Variants in TSHZ3 observed in about 807,000 individuals in gnomAD.
The protein encoded by TSHZ3 is teashirt homolog 3.
A neutral mutation model predicts 64.5 loss-of-function variants in TSHZ3; 10 were observed. That is an observed-to-expected ratio of 0.16 (90% CI 0.10 to 0.26). The LOEUF (loss-of-function observed/expected upper bound fraction) is 0.26, where lower values mean the gene tolerates loss of function less well. Among genes scored for constraint, TSHZ3 ranks in the 10% least tolerant of loss-of-function variants. The pLI, the probability that TSHZ3 is intolerant of heterozygous loss-of-function variation, is 1.00. For synonymous variants in TSHZ3, 608 were observed against 593.1 expected, an observed-to-expected ratio of 1.03 and a Z score of -0.36; for missense variants, 1,242 against 1,421.7, an observed-to-expected ratio of 0.87 and a Z score of 2.03.
intron 1 of TSHZ3, among the ~76,000 whole-genome samples, chr19:31,284,007 G>A (rs745658288): frequency 1.3e-5 from 2 of 152,108 alleles, no homozygotes; most frequent in African/African-American, 4.8e-5. Flanking sequence ...CCACCGATTC[G>A]ACCCAACAAT....
At chr19:31,190,746 A>T (rs1889191219) in intron 5 of TSHZ3, among the ~76,000 whole-genome samples, 1 of 152,362 alleles carries the variant, frequency 6.6e-6, no homozygotes, top group East Asian at 1.9e-4. Flanking sequence ...TGACACAGTT[A>T]TTGAACTTAG....
In TSHZ3 at chr19:31,343,936, CATGT is replaced by C. The variant is rs561634897; in HGVS notation, c.40+5240_40+5243del. ...AAAAAGGCTTACAGACATTTAAATGCATGTATCGGGACACTTTATCAACCTAACA... is the reference window on the plus strand; with the variant it reads ...AAAAAGGCTTACAGACATTTAAATGCATCGGGACACTTTATCAACCTAACA... On this transcript the variant is annotated intron_variant, in intron 1 of 1. Coordinates refer to ENST00000240587, the MANE Select transcript of TSHZ3 (RefSeq NM_020856.4). Among the ~76,000 whole-genome samples the C allele has an allele frequency of 1.6e-3, 237 of 152,168 alleles. 7 individuals are homozygous for C. The South Asian group carries it at 0.048, about 31-fold the overall frequency.
At chr19:31,284,173 A>T (rs1443784520) in intron 1 of TSHZ3, among the ~76,000 whole-genome samples, 1 of 152,118 alleles carries the variant, frequency 6.6e-6, no homozygotes, top group African/African-American at 2.4e-5. Context: ...GTAGCTGAGC[A>T]ATGGACAGCT....
intron 1 of TSHZ3, among the ~76,000 whole-genome samples, chr19:31,310,738 G>A (rs1015369005): frequency 4.5e-4 from 69 of 152,254 alleles, no homozygotes; most frequent in African/African-American, 1.4e-3. Context: ...ACCTCTCTAC[G>A]TTTCTGGTTC....
chr19:31,175,321 T>C (rs1366876319), intron 5 of TSHZ3, among the ~76,000 whole-genome samples: 1 of 152,218 alleles, frequency 6.6e-6, no homozygotes, highest in East Asian at 1.9e-4. Context: ...GGAGAAGCTG[T>C]CTTCAAGTGT....
Position 31,173,044 on chromosome 19 carries a change from T to C in TSHZ3, n.810-16627A>G, listed in dbSNP as rs551342818. On this transcript the variant is annotated intron_variant and non_coding_transcript_variant, in intron 5 of 6. Transcript: ENST00000651361. ...AGCTCATGCTTAGATGAAATGGCAGTCCTTTGTAGGGCTCTTGAGCTGAGA... is the reference window on the plus strand; with the variant it reads ...AGCTCATGCTTAGATGAAATGGCAGCCCTTTGTAGGGCTCTTGAGCTGAGA... Among the ~76,000 whole-genome samples, 15 of 152,304 alleles carry C rather than the reference T, an allele frequency of 9.8e-5. No individual in the cohort carries two copies. In the East Asian group the frequency reaches 2.9e-3, roughly 29 times the overall value.
intron 1 of TSHZ3, among the ~76,000 whole-genome samples, chr19:31,331,986 C>T (rs770648200): frequency 6.6e-6 from 1 of 152,134 alleles, no homozygotes; most frequent in Non-Finnish European, 1.5e-5. Context: ...CCCATAAAAC[C>T]AAGGGTGTTC....
chr19:31,316,915 G>A (rs1195879075), intron 1 of TSHZ3, among the ~76,000 whole-genome samples: 2 of 152,050 alleles, frequency 1.3e-5, no homozygotes, highest in African/African-American at 2.4e-5. Flanking sequence ...ATATGCTCCG[G>A]CCAAATATTC....
chr19:31,198,880 C>A (rs75498652), intron 5 of TSHZ3, among the ~76,000 whole-genome samples: 2,010 of 152,244 alleles, frequency 0.013, 50 homozygotes, highest in African/African-American at 0.046. Flanking sequence ...TCAGCACAAT[C>A]CTAATCAAAA....
chr19:31,220,667 T>C (rs1599590212), intron 4 of TSHZ3, among the ~76,000 whole-genome samples: 1 of 152,096 alleles, frequency 6.6e-6, no homozygotes, highest in East Asian at 1.9e-4. Flanking sequence ...AGCTGGCAGG[T>C]AAGGAAGGAT....
At chr19:31,165,738 G>GA (rs1376234372) in intron 5 of TSHZ3, among the ~76,000 whole-genome samples, 13 of 152,196 alleles carry the variant, frequency 8.5e-5, no homozygotes, top group African/African-American at 3.1e-4. Context: ...CCATAACAAG[G>GA]ACTATGCAGG....
chr19:31,193,546 C>T (rs1264681679), intron 5 of TSHZ3, among the ~76,000 whole-genome samples: 1 of 152,146 alleles, frequency 6.6e-6, no homozygotes, highest in Non-Finnish European at 1.5e-5. Flanking sequence ...TTACCTGTGT[C>T]GCGATCCTGC....
intron 5 of TSHZ3, among the ~76,000 whole-genome samples, chr19:31,200,875 TG>T (rs1212899444): frequency 6.6e-6 from 1 of 151,698 alleles, no homozygotes; most frequent in Admixed American, 6.6e-5. Context: ...CAATTGTCTG[TG>T]AATCCAAAAC....
intron 1 of TSHZ3, among the ~76,000 whole-genome samples, chr19:31,328,859 G>A (rs1916996929): frequency 6.6e-6 from 1 of 152,164 alleles, no homozygotes; most frequent in African/African-American, 2.4e-5. Context: ...ACTTTGAAGA[G>A]GCAGCCTTCC....
rs1014858424 is a variant in TSHZ3, at chr19:31,276,955, G to A, written c.2838C>T (p.Ile946=). The A allele has an allele frequency of 2.5e-6, 4 of 1,614,074 alleles. No homozygotes were observed. Among genetic ancestry groups the A allele is most frequent in the Non-Finnish European group, 3.4e-6 (4 of 1,180,020 alleles). ...SRFTGLSMTT[I]SHWLANVKYQ... is the part of the protein sequence containing the mutation. Reference sequence around the variant, plus strand: ...ATTTCACGTTGGCCAGCCAGTGGCTGATGGTGGTCATGGACAGCCCGGTGA... The same window carrying A: ...ATTTCACGTTGGCCAGCCAGTGGCTAATGGTGGTCATGGACAGCCCGGTGA... The change falls in exon 2 of 2, where the codon ATC becomes ATT. Residue 946 remains isoleucine, a synonymous_variant. Transcript: ENST00000240587.
rs1213711063 is a variant in TSHZ3, at chr19:31,278,308, CTCT to C, written c.1482_1484del (p.Glu496del). On this transcript the variant is annotated inframe_deletion, in exon 2 of 2. Transcript: ENST00000240587. The surrounding 1 kb of genome is among the most constrained non-coding windows in gnomAD (Gnocchi z 4.7). ...ATTTGGAAGAGATGTCACACTTCTC[CTCT>C]TCTTCGCCAGGCTTGTCTTTTTGCT... 1.2e-6 allele frequency: 2 copies of C among 1,614,048 alleles called. No homozygotes were observed. Among genetic ancestry groups the C allele is most frequent in the Admixed American group, 1.7e-5 (1 of 60,000 alleles).
chr19:31,274,248 A>G (rs1293726607), downstream of TSHZ3, among the ~76,000 whole-genome samples: 4 of 152,132 alleles, frequency 2.6e-5, no homozygotes, highest in East Asian at 7.7e-4. Context: ...AGTAGTTTGA[A>G]TATAGTAATA....
intron 5 of TSHZ3, among the ~76,000 whole-genome samples, chr19:31,180,774 T>C (rs1222567471): frequency 6.6e-6 from 1 of 152,238 alleles, no homozygotes; most frequent in Non-Finnish European, 1.5e-5. Flanking sequence ...GTTGCTTTTA[T>C]GATAACCGCC....
Position 31,276,582 on chromosome 19 carries a change from G to A in TSHZ3, c.3211C>T (p.His1071Tyr). Residue 1071 changes from histidine to tyrosine, a missense_variant, in exon 2 of 2, where the codon CAC becomes TAC. Physicochemically the swap from His to Tyr is moderately conservative, Grantham distance 83 (BLOSUM62 2). Around this residue, in one of 4 missense-constraint regions of TSHZ3, gnomAD observed 126 missense variants for 140.6 expected, o/e 0.90. Coordinates refer to ENST00000240587, the MANE Select transcript of TSHZ3 (RefSeq NM_020856.4). ...TCTAACTCAGAGACATACAGAAGGT[G>A]GTCTTCCGGAGATTTCCCGTGTGTT... Reference protein sequence around the residue: ...SKTHGKSPEDHLLYVSELEKQ With the variant: ...SKTHGKSPEDYLLYVSELEKQ The A allele has an allele frequency of 1.9e-6, 3 of 1,582,462 alleles. No homozygotes were observed. The highest frequency in any genetic ancestry group is 1.2e-5 in the South Asian group (1 of 86,918).
Sources: allele counts gnomAD v4.1 joint callset (sites outside exome capture counted in the v4.1 genomes callset), GRCh38; gene constraint gnomAD v4.1.1; regional missense constraint gnomAD v4.1.1; non-coding constraint Gnocchi (gnomAD v3.1); transcripts MANE v1.5; gene names NCBI Gene and HGNC (gene_info 2026-07-23, HGNC 2026-07-21).